The following MAP2K5 variants were observed in gnomAD, a reference collection of about 807,000 sequenced individuals.
The protein encoded by MAP2K5 is mitogen-activated protein kinase kinase 5, also known as dual specificity mitogen-activated protein kinase kinase 5.
Under a neutral mutation model 83.1 loss-of-function variants are expected in MAP2K5, and 49 were observed. The ratio of observed to expected loss-of-function variants is 0.59; its 90% CI spans 0.47 to 0.75. MAP2K5 has a LOEUF of 0.75. Ranked by LOEUF, MAP2K5 falls within the 30% of genes least tolerant of loss-of-function variation. The pLI, the probability that MAP2K5 is intolerant of heterozygous loss-of-function variation, is 0.00. For missense variants in MAP2K5, 457 were observed against 557.5 expected (o/e 0.82, Z 1.82); for synonymous variants, 202 against 191.8 (o/e 1.05, Z -0.44).
intron 8 of MAP2K5, among the ~76,000 whole-genome samples, chr15:67,623,811 G>A (rs2086245688): frequency 6.6e-6 from 1 of 151,738 alleles, no homozygotes; most frequent in Non-Finnish European, 1.5e-5. Flanking sequence ...TGGTCAGGCT[G>A]GTCTCGAACT....
intron 3 of MAP2K5, among the ~76,000 whole-genome samples, chr15:67,579,619 G>A (rs2085135752): frequency 6.6e-6 from 1 of 151,806 alleles, no homozygotes; most frequent in South Asian, 2.1e-4. Flanking sequence ...TTTGTTATTA[G>A]TGCGAACAGC....
At position 67,543,483 on chromosome 15, in the gene MAP2K5, C is replaced by G; in HGVS notation, c.135+13C>G. 3.1e-6 allele frequency: 5 copies of G among 1,614,050 alleles called. No individual in the cohort carries two copies. Among genetic ancestry groups the G allele is most frequent in the Non-Finnish European group, 3.4e-6 (4 of 1,179,970 alleles). On this transcript the variant is annotated intron_variant, in intron 1 of 21. Transcript: ENST00000178640. This position sits in a 1 kb window ranked among gnomAD's most constrained non-coding sequence, Gnocchi z 4.3. ...CAGGGATGTGCTGGTGAGTGGTAAT[C>G]TCAGTGTCCGGATGCCAGCAAGGGG...
At position 67,563,450 on chromosome 15, in the gene MAP2K5, T is replaced by C; in HGVS notation, c.252+100T>C. 7.0e-7 allele frequency: 1 copy of C among 1,431,564 alleles called. No individual in the cohort carries two copies. The highest frequency in any genetic ancestry group is 9.3e-7 in the Non-Finnish European group (1 of 1,072,768). 88.7% of individuals were successfully genotyped at this position (1,431,564 alleles called of 1,614,324 possible). On this transcript the variant is annotated intron_variant, in intron 3 of 21. Transcript: ENST00000178640. The surrounding 1 kb of genome is among the most constrained non-coding windows in gnomAD (Gnocchi z 4.5). ...AAGACGAGTAAATAAATCACAGTTG[T>C]CATACATTTTTCTATATAATAGGTA...
chr15:67,799,279 G>A lies in MAP2K5; in HGVS notation c.1243-7367G>A, dbSNP rs550130751. Reference sequence around the variant, plus strand: ...TCGTGGCATTTGCCCAGGTATGCTCGCTATGTGGACAGGAAGACTCCACAT... The same window carrying A: ...TCGTGGCATTTGCCCAGGTATGCTCACTATGTGGACAGGAAGACTCCACAT... On this transcript the variant is annotated intron_variant, in intron 21 of 21. Transcript: ENST00000178640. Among the ~76,000 whole-genome samples the A allele has an allele frequency of 1.4e-4, 22 of 152,390 alleles. No individual in the cohort carries two copies. In the East Asian group the frequency reaches 2.5e-3, roughly 17 times the overall value.
rs1328616102 is a variant in MAP2K5 at position 67,542,728 on chromosome 15, T to TACCGCCGTC, written c.-607_-599dup. 1.0e-5 allele frequency: 1 copy of TACCGCCGTC among 97,708 alleles called. No individual in the cohort carries two copies. Among genetic ancestry groups the TACCGCCGTC allele is most frequent in the Admixed American group, 1.6e-4 (1 of 6,280 alleles). The allele number at this position is 97,708 out of a possible 1,614,324, so 6.1% of individuals were successfully genotyped here. ...GCCTTCCTCCTCCTCCTCTCGCCGC[T>TACCGCCGTC]ACCGCCGTCGCCGCCGCCGCAGCCG... On this transcript the variant is annotated 5_prime_UTR_variant, in exon 1 of 22. Coordinates refer to ENST00000178640, the MANE Select transcript of MAP2K5 (RefSeq NM_145160.3).
intron 3 of MAP2K5, among the ~76,000 whole-genome samples, chr15:67,571,661 C>T (rs951789035): frequency 6.6e-6 from 1 of 151,608 alleles, no homozygotes; most frequent in African/African-American, 2.4e-5. Flanking sequence ...TAATTTTGAT[C>T]TTCTTAACAT....
intron 13 of MAP2K5, among the ~76,000 whole-genome samples, chr15:67,681,692 A>C (rs2087821779): frequency 6.6e-6 from 1 of 152,218 alleles, no homozygotes; most frequent in African/African-American, 2.4e-5. Flanking sequence ...AAGGAGAATA[A>C]GTTAGTTTGC....
chr15:67,631,967 C>G (rs1452953117), intron 9 of MAP2K5, among the ~76,000 whole-genome samples: 3 of 152,172 alleles, frequency 2.0e-5, no homozygotes, highest in Non-Finnish European at 4.4e-5. Context: ...CCCCACCTAC[C>G]TTTATAAACA....
intron 1 of MAP2K5, among the ~76,000 whole-genome samples, chr15:67,545,122 T>G (rs2084365871): frequency 6.6e-6 from 1 of 152,206 alleles, no homozygotes; most frequent in African/African-American, 2.4e-5. Flanking sequence ...CACTCTGCTC[T>G]TCACCGGTCA....
At chr15:67,630,794 G>A in intron 8 of MAP2K5, 94 bp from the exon 9 acceptor site, 1 of 827,804 alleles carries the variant, frequency 1.2e-6, no homozygotes, top group Non-Finnish European at 2.0e-6. Flanking sequence ...GTATCCCACT[G>A]CTGCAGAAAT....
At position 67,738,017 on chromosome 15, in the gene MAP2K5, A is replaced by G. The variant is rs2089382576; in HGVS notation, c.1074+10072A>G. 6.6e-6 allele frequency among the ~76,000 whole-genome samples: 1 copy of G among 151,358 alleles called. No individual in the cohort carries two copies. Among genetic ancestry groups the G allele is most frequent in the Non-Finnish European group, 1.5e-5 (1 of 67,856 alleles). On this transcript the variant is annotated intron_variant, in intron 17 of 21. Coordinates refer to ENST00000178640, the MANE Select transcript of MAP2K5 (RefSeq NM_145160.3). This position sits in a 1 kb window ranked among gnomAD's most constrained non-coding sequence, Gnocchi z 4.1. ...TAGGAGTGCATCACCATACCCGGCT[A>G]ATTTTTGTATTTTTAATAGAGATGA...
Position 67,630,660 on chromosome 15 carries a change from A to T in MAP2K5, c.546-228A>T, listed in dbSNP as rs191118838. 9.8e-4 allele frequency among the ~76,000 whole-genome samples: 149 copies of T among 152,376 alleles called. 1 individual carries two copies. The highest frequency in any genetic ancestry group is 2.6e-4 in the Non-Finnish European group (18 of 68,040). ...AATTCTCATCTATAAAAGGAGGATAATAATGTATCAGTATTACCTCAGATA... is the reference window on the plus strand; with the variant it reads ...AATTCTCATCTATAAAAGGAGGATATTAATGTATCAGTATTACCTCAGATA... On this transcript the variant is annotated intron_variant, in intron 8 of 21. Transcript: ENST00000178640.
chr15:67,663,670 C>G (rs955484220), intron 12 of MAP2K5, among the ~76,000 whole-genome samples: 4 of 152,084 alleles, frequency 2.6e-5, no homozygotes, highest in African/African-American at 4.8e-5. Context: ...GTCAGGAGTT[C>G]AAGACCAGCC....
In MAP2K5 at chr15:67,586,019, T is replaced by G. The variant is rs562949915; in HGVS notation, c.363+89T>G. ...TGAAATGTCAAATAAAACTGCACTT[T>G]CTCAAGCTCTGACAAGCGATCCTTT... On this transcript the variant is annotated intron_variant, in intron 5 of 21. Coordinates refer to ENST00000178640, the MANE Select transcript of MAP2K5 (RefSeq NM_145160.3). 2.9e-4 allele frequency: 345 copies of G among 1,183,222 alleles called. 3 individuals carry two copies. The East Asian group carries it at 5.7e-3, about 20-fold the overall frequency. 73.3% of individuals were successfully genotyped at this position (1,183,222 alleles called of 1,614,324 possible). A position where few individuals can be genotyped will look rare whatever the true frequency, so the allele number is the denominator to read the frequency against.
At chr15:67,596,250 T>C (rs1220544579) in intron 7 of MAP2K5, among the ~76,000 whole-genome samples, 2 of 152,024 alleles carry the variant, frequency 1.3e-5, no homozygotes, top group African/African-American at 4.8e-5. Flanking sequence ...GTGAAACCTC[T>C]TCTCTACTAA....
At chr15:67,544,971 C>G (rs1471099795) in intron 1 of MAP2K5, among the ~76,000 whole-genome samples, 1 of 152,284 alleles carries the variant, frequency 6.6e-6, no homozygotes, top group East Asian at 1.9e-4. Context: ...GGCCCAGGCT[C>G]CTTCATGTGG....
chr15:67,547,455 CTTTTTTTTTTT>C, intron 1 of MAP2K5, among the ~76,000 whole-genome samples: 1 of 128,748 alleles, frequency 7.8e-6, no homozygotes, highest in African/African-American at 2.9e-5. Flanking sequence ...TTTCTTTTTT[CTTTTTTTTTTT>C]TTTTTTTGAG....
In MAP2K5 at chr15:67,719,257, C is replaced by T. The variant is rs563471389; in HGVS notation, c.1045-8659C>T. Among the ~76,000 whole-genome samples, 8 of 152,136 alleles carry T rather than the reference C, an allele frequency of 5.3e-5. No homozygotes were observed. The highest frequency in any genetic ancestry group is 7.4e-5 in the Non-Finnish European group (5 of 68,026). ...GCAGTGATACGTAAGAGGGCCTTGT[C>T]GGTTAAGACCATCAGATCCTAATAC... On this transcript the variant is annotated intron_variant, in intron 16 of 21. Transcript: ENST00000178640. The surrounding 1 kb of genome is among the most constrained non-coding windows in gnomAD (Gnocchi z 4.6).
chr15:67,576,996 C>T (rs1232329938), intron 3 of MAP2K5, among the ~76,000 whole-genome samples: 3 of 141,276 alleles, frequency 2.1e-5, no homozygotes, highest in South Asian at 2.4e-4. Context: ...ACTGCAGTGG[C>T]GCAATCTCGG....
Sources: gnomAD v4.1 joint callset for allele counts (sites outside exome capture counted in the v4.1 genomes callset) on GRCh38, gnomAD v4.1.1 for gene constraint, Gnocchi (gnomAD v3.1) non-coding constraint, MANE v1.5 for transcripts, NCBI Gene and HGNC (gene_info 2026-07-23, HGNC 2026-07-21) for gene names.